PRDM16: variants seen among roughly 807,000 people sequenced by gnomAD.
PRDM16 encodes PR/SET domain 16, also known as histone-lysine N-methyltransferase PRDM16.
In PRDM16, 23 loss-of-function variants were observed where a neutral mutation model predicts 110.6. The ratio of observed to expected loss-of-function variants is 0.21; its 90% CI spans 0.15 to 0.29. PRDM16 has a LOEUF of 0.29. PRDM16 is among the 10% of genes least tolerant of loss of function. PRDM16 has a pLI of 1.00. For synonymous variants in PRDM16, 799 were observed against 781.8 expected (o/e 1.02, Z -0.37); for missense variants, 1,615 against 1,794.3 (o/e 0.90, Z 1.81).
intron 1 of PRDM16, among the ~76,000 whole-genome samples, chr1:3,158,374 G>A (rs1487125266): frequency 1.3e-5 from 2 of 151,872 alleles, no homozygotes; most frequent in African/African-American, 4.8e-5. Flanking sequence ...TACATCTGAG[G>A]TATTTAAATT....
intron 1 of PRDM16, among the ~76,000 whole-genome samples, chr1:3,181,728 ACGG>A (rs1644202014): frequency 1.1e-5 from 1 of 90,136 alleles, no homozygotes; most frequent in Non-Finnish European, 2.5e-5. Context: ...AGTCTTACAC[ACGG>A]TCTTACACAC....
Position 3,244,896 on chromosome 1 carries a change from C to T in PRDM16, c.438+759C>T, listed in dbSNP as rs527262505. Among the ~76,000 whole-genome samples the T allele has an allele frequency of 2.2e-4, 34 of 152,324 alleles. No homozygotes were observed. The East Asian group carries it at 5.8e-3, about 26-fold the overall frequency. On this transcript the variant is annotated intron_variant, in intron 3 of 16. Transcript: ENST00000270722. The surrounding 1 kb of genome is among the most constrained non-coding windows in gnomAD (Gnocchi z 4.1). ...TGCATTGCCTGCACGCACACACAGACGTCCACAGACACAGCACGCTCACAC... is the reference window on the plus strand; with the variant it reads ...TGCATTGCCTGCACGCACACACAGATGTCCACAGACACAGCACGCTCACAC...
chr1:3,248,046 T>G (rs1007522187), intron 3 of PRDM16, among the ~76,000 whole-genome samples: 3 of 152,220 alleles, frequency 2.0e-5, no homozygotes, highest in Non-Finnish European at 2.9e-5. Flanking sequence ...CGAAGAGGCT[T>G]TGGGGACGAA....
intron 3 of PRDM16, among the ~76,000 whole-genome samples, chr1:3,312,939 G>A (rs1444561064): frequency 1.3e-5 from 2 of 152,240 alleles, no homozygotes; most frequent in Admixed American, 6.5e-5. Flanking sequence ...TGCCTTGGGC[G>A]TGCGTCTTCC....
chr1:3,238,298 A>G (rs10909907), intron 2 of PRDM16, among the ~76,000 whole-genome samples: 46,588 of 151,960 alleles, frequency 0.31, 10,299 homozygotes, highest in African/African-American at 0.61. Flanking sequence ...TGTGCATTTC[A>G]GGACGGGCTC....
intron 2 of PRDM16, among the ~76,000 whole-genome samples, chr1:3,222,031 G>A (rs746885965): frequency 6.6e-5 from 10 of 152,214 alleles, no homozygotes; most frequent in Non-Finnish European, 1.2e-4. Flanking sequence ...GGCGTCCACT[G>A]CTCCCCAGCA....
At chr1:3,103,591 G>A (rs1642580843) in intron 1 of PRDM16, among the ~76,000 whole-genome samples, 1 of 152,242 alleles carries the variant, frequency 6.6e-6, no homozygotes, top group Admixed American at 6.5e-5. Flanking sequence ...CTGAGGGGTG[G>A]TGCAGAAACA....
rs1642227934 is a variant in PRDM16 at position 3,339,535 on chromosome 1, C to G, written c.439-45617C>G. ...TTTCAAGAGCAACAAAGCTTTGTTG[C>G]CCACCGAGCGATTCAGGCAGTGAGG... On this transcript the variant is annotated intron_variant, in intron 3 of 16. Coordinates refer to ENST00000270722, the MANE Select transcript of PRDM16 (RefSeq NM_022114.4). This position sits in a 1 kb window ranked among gnomAD's most constrained non-coding sequence, Gnocchi z 5.0. 6.6e-6 allele frequency among the ~76,000 whole-genome samples: 1 copy of G among 150,780 alleles called. No homozygotes were observed. Among genetic ancestry groups the G allele is most frequent in the Admixed American group, 6.6e-5 (1 of 15,170 alleles).
At chr1:3,197,119 G>A (rs111875813) in intron 2 of PRDM16, among the ~76,000 whole-genome samples, 5 of 152,316 alleles carry the variant, frequency 3.3e-5, no homozygotes, top group African/African-American at 9.6e-5. Context: ...GCTAAGATAG[G>A]AGGGGCCCCT....
intron 1 of PRDM16, among the ~76,000 whole-genome samples, chr1:3,135,972 C>G (rs1038196766): frequency 1.3e-5 from 2 of 152,032 alleles, no homozygotes; most frequent in African/African-American, 4.8e-5. Flanking sequence ...GCCTGGGCGT[C>G]TCCCTTTGTT....
chr1:3,227,584 C>T (rs571241659), intron 2 of PRDM16, among the ~76,000 whole-genome samples: 9 of 152,332 alleles, frequency 5.9e-5, no homozygotes, highest in Non-Finnish European at 1.0e-4. Flanking sequence ...GCAGCCAGTG[C>T]CAAAAGGGAA....
chr1:3,135,576 C>G (rs751284033), intron 1 of PRDM16, among the ~76,000 whole-genome samples: 1 of 152,076 alleles, frequency 6.6e-6, no homozygotes, highest in East Asian at 1.9e-4. Context: ...CTCCGTGGCC[C>G]GCAGGTGACA....
Position 3,412,131 on chromosome 1 carries a change from G to A in PRDM16, c.1934G>A (p.Gly645Asp). The change falls in exon 9 of 17, where the codon GGC becomes GAC. Residue 645 changes from glycine (G) to aspartate (D), a missense_variant. Physicochemically the swap from Gly to Asp is moderately conservative, Grantham distance 94. Transcript: ENST00000270722. ...KDKGKGKSAE[G>D]QPKFGGGLAP... ...AAGGGCAAGGGCAAGTCCGCCGAGG[G>A]CCAGCCCAAGTTTGGGGGCGGCTTG... 1 of 1,565,106 alleles carries A rather than the reference G, an allele frequency of 6.4e-7. No individual in the cohort carries two copies. The highest frequency in any genetic ancestry group is 8.7e-7 in the Non-Finnish European group (1 of 1,155,868).
At chr1:3,117,445 G>GC (rs1642986868) in intron 1 of PRDM16, among the ~76,000 whole-genome samples, 1 of 152,110 alleles carries the variant, frequency 6.6e-6, no homozygotes, top group Admixed American at 6.6e-5. Flanking sequence ...CACCCTTTCT[G>GC]CCCCAGAGAG....
In PRDM16 at chr1:3,405,151, G is replaced by C. The variant is rs6424076; in HGVS notation, c.1032+265G>C. Reference sequence around the variant, plus strand: ...AGAGCGCGGCTCCTGTCCTCCCGCCGGTGTGGAAGGAAGAGGCTGGCGGGG... The same window carrying C: ...AGAGCGCGGCTCCTGTCCTCCCGCCCGTGTGGAAGGAAGAGGCTGGCGGGG... On this transcript the variant is annotated intron_variant, in intron 7 of 16. Transcript: ENST00000270722. 0.1 allele frequency among the ~76,000 whole-genome samples: 15,717 copies of C among 152,266 alleles called. 900 individuals carry two copies. Among genetic ancestry groups the C allele is most frequent in the Middle Eastern group, 0.18 (53 of 294 alleles).
intron 3 of PRDM16, among the ~76,000 whole-genome samples, chr1:3,320,162 C>T (rs1419099797): frequency 6.6e-6 from 1 of 152,130 alleles, no homozygotes; most frequent in Non-Finnish European, 1.5e-5. Context: ...ATTGCAGCAC[C>T]GAAATAAGAA....
At chr1:3,330,536 C>G (rs947869102) in intron 3 of PRDM16, among the ~76,000 whole-genome samples, 3 of 152,184 alleles carry the variant, frequency 2.0e-5, no homozygotes, top group Non-Finnish European at 4.4e-5. Context: ...ACCACATCCC[C>G]TCTCAGCTCA....
intron 3 of PRDM16, among the ~76,000 whole-genome samples, chr1:3,355,805 G>A (rs1268792308): frequency 1.3e-5 from 2 of 152,164 alleles, no homozygotes; most frequent in East Asian, 1.9e-4. Flanking sequence ...CCATGTGGGG[G>A]TACACAAGGC....
intron 3 of PRDM16, among the ~76,000 whole-genome samples, chr1:3,281,211 C>G (rs1640705064): frequency 6.6e-6 from 1 of 152,236 alleles, no homozygotes; most frequent in Non-Finnish European, 1.5e-5. Context: ...CTTGCTGGCT[C>G]ACACCCAGCC....
Sources: gnomAD v4.1 joint callset for allele counts (sites outside exome capture counted in the v4.1 genomes callset) on GRCh38, gnomAD v4.1.1 for gene constraint, Gnocchi (gnomAD v3.1) non-coding constraint, MANE v1.5 for transcripts, NCBI Gene and HGNC (gene_info 2026-07-23, HGNC 2026-07-21) for gene names.